The following KRTDAP variants were observed in gnomAD, a reference collection of about 807,000 sequenced individuals.
KRTDAP encodes the protein keratinocyte differentiation associated protein.
Under a neutral mutation model 18.6 loss-of-function variants are expected in KRTDAP, and 14 were observed. The observed-to-expected ratio is 0.75, with a 90% CI of 0.50 to 1.18. KRTDAP has a LOEUF of 1.18. KRTDAP is among the 50% of genes most tolerant of loss of function. The probability of loss-of-function intolerance (pLI) is 0.00; values close to 1 mark genes in which losing one functional copy is unlikely to be tolerated. For missense variants in KRTDAP, 114 were observed against 121.3 expected, an observed-to-expected ratio of 0.94 and a Z score of 0.28; for synonymous variants, 53 against 49.5, an observed-to-expected ratio of 1.07 and a Z score of -0.29.
intron 5 of KRTDAP, 76 bp downstream of exon 5, chr19:35,487,636 C>A: frequency 7.6e-7 from 1 of 1,317,280 alleles, no homozygotes. Context: ...TTCCCTGTCC[C>A]CACTCTCTCT....
chr19:35,488,362 T>C, intron 4 of KRTDAP, 79 bp downstream of exon 4: 1 of 1,473,102 alleles, frequency 6.8e-7, no homozygotes, highest in Non-Finnish European at 9.3e-7. Context: ...AACCCATACA[T>C]TTAAAGCCAA....
chr19:35,487,876 G>A (rs1357360477), intron 4 of KRTDAP, 117 bp from the exon 5 acceptor site: 1 of 713,432 alleles, frequency 1.4e-6, no homozygotes, highest in African/African-American at 1.8e-5. Flanking sequence ...TCATTATTTT[G>A]TCATTACTTT....
At chr19:35,489,595 T>C (rs2067511223) in intron 1 of KRTDAP, among the ~76,000 whole-genome samples, 1 of 152,112 alleles carries the variant, frequency 6.6e-6, no homozygotes, top group Non-Finnish European at 1.5e-5. Flanking sequence ...GTTGGCCCCA[T>C]TTCACCTCAG....
intron 1 of KRTDAP, among the ~76,000 whole-genome samples, chr19:35,489,546 C>T (rs555255002): frequency 2.6e-4 from 40 of 152,302 alleles, no homozygotes; most frequent in African/African-American, 6.5e-4. Flanking sequence ...CAATCCATGG[C>T]GTCAGGTGGG....
Position 35,487,762 on chromosome 19 carries a change from A to AAAAG in KRTDAP, c.214-7_214-4dup. 7 of 1,611,110 alleles carry AAAAG rather than the reference A, an allele frequency of 4.3e-6. No individual in the cohort carries two copies. The highest frequency in any genetic ancestry group is 5.1e-6 in the Non-Finnish European group (6 of 1,177,300). ...AAAGGAAGTTTCCTTTTGATAGACTAAAAGAAAGAAAGAGAAAGAGAGTGA... is the reference window on the plus strand; with the variant it reads ...AAAGGAAGTTTCCTTTTGATAGACTAAAAGAAAGAAAGAAAGAGAAAGAGAGTGA... On this transcript the variant is annotated splice_polypyrimidine_tract_variant and splice_region_variant and intron_variant, in intron 4 of 5. Coordinates refer to ENST00000338897, the MANE Select transcript of KRTDAP (RefSeq NM_207392.3).
chr19:35,488,740 G>C, intron 2 of KRTDAP, 37 bp from the exon 3 acceptor site: 1 of 1,613,930 alleles, frequency 6.2e-7, no homozygotes, highest in Non-Finnish European at 8.5e-7. Flanking sequence ...AAGTTGCTAA[G>C]AAGCAAAAAG....
intron 4 of KRTDAP, 63 bp downstream of exon 4, chr19:35,488,378 G>A: frequency 6.5e-7 from 1 of 1,541,090 alleles, no homozygotes; most frequent in South Asian, 1.2e-5. Context: ...GCCAAAATGT[G>A]TGGCCACTAC....
intron 1 of KRTDAP, among the ~76,000 whole-genome samples, chr19:35,489,448 A>T (rs2067510608): frequency 1.3e-5 from 2 of 152,200 alleles, no homozygotes; most frequent in South Asian, 4.1e-4. Flanking sequence ...TTTGGTTTGA[A>T]TTAGACATTT....
At chr19:35,488,406 C>T (rs1156580197) in intron 4 of KRTDAP, 35 bp downstream of exon 4, 1 of 1,607,238 alleles carries the variant, frequency 6.2e-7, no homozygotes, top group Non-Finnish European at 8.5e-7. Context: ...TGACTGCAGA[C>T]AACCGAGGAG....
rs201376412 is a variant in KRTDAP, at chr19:35,488,429, C to T, written c.213+12G>A. On this transcript the variant is annotated intron_variant, in intron 4 of 5. Coordinates refer to ENST00000338897, the MANE Select transcript of KRTDAP (RefSeq NM_207392.3). ...GACAACCGAGGAGGGCAAGGGGCGC[C>T]GGAGCACTCACCTCAAAGAGGGCGT... 1.7e-5 allele frequency: 27 copies of T among 1,611,702 alleles called. No individual in the cohort carries two copies. The African/African-American group carries it at 2.0e-4, about 12-fold the overall frequency.
chr19:35,490,343 G>T lies in KRTDAP; in HGVS notation c.87+13C>A. 6.4e-7 allele frequency: 1 copy of T among 1,569,264 alleles called. No individual in the cohort carries two copies. On this transcript the variant is annotated intron_variant, in intron 1 of 5. Coordinates refer to ENST00000338897, the MANE Select transcript of KRTDAP (RefSeq NM_207392.3). ...AACACGTATAAGAATAAAAATGCAGGTGACGTGCTCACCTCAGGACCACCC... is the reference window on the plus strand; with the variant it reads ...AACACGTATAAGAATAAAAATGCAGTTGACGTGCTCACCTCAGGACCACCC...
At chr19:35,488,110 G>A (rs1183248991) in intron 4 of KRTDAP, among the ~76,000 whole-genome samples, 1 of 152,204 alleles carries the variant, frequency 6.6e-6, no homozygotes, top group Non-Finnish European at 1.5e-5. Context: ...CTCTGTCGCT[G>A]ACTTTGCCTT....
chr19:35,490,027 T>G (rs1409296318), intron 1 of KRTDAP, among the ~76,000 whole-genome samples: 1 of 149,484 alleles, frequency 6.7e-6, no homozygotes, highest in Non-Finnish European at 1.5e-5. Context: ...TCCCCAGGCA[T>G]GTGTGCAGCT....
chr19:35,488,106 C>G (rs2067501795), intron 4 of KRTDAP, among the ~76,000 whole-genome samples: 1 of 152,184 alleles, frequency 6.6e-6, no homozygotes, highest in Non-Finnish European at 1.5e-5. Flanking sequence ...CCAGCTCTGT[C>G]GCTGACTTTG....
In KRTDAP at chr19:35,488,661, C is replaced by T; in HGVS notation, c.168+1G>A. 6.2e-7 allele frequency: 1 copy of T among 1,614,182 alleles called. No individual in the cohort carries two copies. Among genetic ancestry groups the T allele is most frequent in the Non-Finnish European group, 8.5e-7 (1 of 1,180,028 alleles). On this transcript the variant is annotated splice_donor_variant, in intron 3 of 5. Coordinates refer to ENST00000338897, the MANE Select transcript of KRTDAP (RefSeq NM_207392.3). LOFTEE classifies it high-confidence loss of function. The stretch of plus-strand genomic sequence containing the variant: ...GGGTAGCACCAGAGAAGCGTACTCA[C>T]AGATCGCAATTTGTCGATGTTCAGG...
intron 4 of KRTDAP, among the ~76,000 whole-genome samples, chr19:35,488,184 G>A (rs886992190): frequency 5.9e-5 from 9 of 152,270 alleles, no homozygotes; most frequent in African/African-American, 2.2e-4. Context: ...AATCTTGACC[G>A]ATTAGCCTCT....
chr19:35,487,461 T>C lies in KRTDAP; in HGVS notation c.267A>G (p.Lys89=). The C allele has an allele frequency of 6.2e-7, 1 of 1,614,004 alleles. No homozygotes were observed. ...FLNWDAFPKL[K]GLRSATPDAQ ...CATCAGGAGTTGCGCTCCTCAGTCC[T>C]TTCAGCTAGAGGGAGAGGGGTCAGG... The change falls in exon 6 of 6, where the codon AAA becomes AAG. Residue 89 remains lysine (K), a synonymous_variant. Coordinates refer to ENST00000338897, the MANE Select transcript of KRTDAP (RefSeq NM_207392.3).
Position 35,488,802 on chromosome 19 carries a change from C to A in KRTDAP, c.126G>T (p.Glu42Asp). Residue 42 changes from glutamate to aspartate, a missense_variant and splice_region_variant, in exon 2 of 6, where the codon GAG (glutamate) becomes GAT (aspartate). By Grantham distance (45) the Glu-to-Asp change is conservative. Transcript: ENST00000338897. ...GGGCCGGGGAAAACAGACGGCTTAC[C>A]TCGGGTCGTGACGCATAATTCTCAA... ...STIENYASRPEAFNTPFLNID... is the reference protein window; with the variant it reads ...STIENYASRPDAFNTPFLNID... 1 of 1,614,150 alleles carries A rather than the reference C, an allele frequency of 6.2e-7. No homozygotes were observed.
rs1172276205 is a variant in KRTDAP, at chr19:35,488,795, G to A, written c.126+7C>T. The A allele has an allele frequency of 5.0e-6, 8 of 1,614,010 alleles. No homozygotes were observed. Among genetic ancestry groups the A allele is most frequent in the South Asian group, 1.1e-5 (1 of 91,088 alleles). ...GGCTGGAGGGCCGGGGAAAACAGAC[G>A]GCTTACCTCGGGTCGTGACGCATAA... is the stretch of plus-strand genomic sequence containing the variant. On this transcript the variant is annotated splice_region_variant and intron_variant, in intron 2 of 5. Coordinates refer to ENST00000338897, the MANE Select transcript of KRTDAP (RefSeq NM_207392.3).
Sources: allele counts gnomAD v4.1 joint callset (sites outside exome capture counted in the v4.1 genomes callset), GRCh38; gene constraint gnomAD v4.1.1; transcripts MANE v1.5; gene names NCBI Gene and HGNC (gene_info 2026-07-23, HGNC 2026-07-21).